BIN1: variants seen among roughly 807,000 people sequenced by gnomAD.
BIN1 encodes myc box-dependent-interacting protein 1.
Under a neutral mutation model 82.0 loss-of-function variants are expected in BIN1, and 53 were observed. The ratio of observed to expected loss-of-function variants is 0.65; its 90% confidence interval spans 0.52 to 0.81. The LOEUF is 0.81. Among genes scored for constraint, BIN1 ranks in the 40% least tolerant of loss-of-function variants. The probability of loss-of-function intolerance (pLI) is 0.00; values close to 1 mark genes in which losing one functional copy is unlikely to be tolerated. For synonymous variants in BIN1, 302 were observed against 328.0 expected, an observed-to-expected ratio of 0.92 and a Z score of 0.86; for missense variants, 642 against 784.4, an observed-to-expected ratio of 0.82 and a Z score of 2.17.
intron 9 of BIN1, among the ~76,000 whole-genome samples, chr2:127,063,011 G>C (rs1471836725): frequency 1.3e-5 from 2 of 152,154 alleles, no homozygotes; most frequent in African/African-American, 4.8e-5. Context: ...TGGGGGCGGG[G>C]GTGCCAGCCC....
chr2:127,065,573 A>G (rs1397515149), intron 7 of BIN1, among the ~76,000 whole-genome samples: 1 of 152,110 alleles, frequency 6.6e-6, no homozygotes, highest in Non-Finnish European at 1.5e-5. Context: ...AACTGCCAAC[A>G]GTGGGTCTAA....
rs1439208715 is a variant in BIN1 at position 127,062,003 on chromosome 2, C to T, written c.857+112G>A. On this transcript the variant is annotated intron_variant, in intron 10 of 18. Coordinates refer to ENST00000316724, the MANE Select transcript of BIN1 (RefSeq NM_139343.3). ...GGCCAAGACAGGAAGGTCCCTAGAC[C>T]CCCAAGGCCAAACCCATGGGGGACC... 2.5e-5 allele frequency: 32 copies of T among 1,291,020 alleles called. 1 individual carries two copies. The East Asian group carries it at 5.3e-4, about 22-fold the overall frequency. The allele number at this position is 1,291,020 out of a possible 1,614,324, so 80.0% of individuals were successfully genotyped here. A position where few individuals can be genotyped will look rare whatever the true frequency, so the allele number is the denominator to read the frequency against.
chr2:127,048,490 T>C lies in BIN1; in HGVS notation c.*36A>G, dbSNP rs371771488. 6 of 1,590,380 alleles carry C rather than the reference T, an allele frequency of 3.8e-6. No individual in the cohort carries two copies. Among genetic ancestry groups the C allele is most frequent in the Non-Finnish European group, 5.2e-6 (6 of 1,159,066 alleles). On this transcript the variant is annotated 3_prime_UTR_variant, in exon 19 of 19. Coordinates refer to ENST00000316724, the MANE Select transcript of BIN1 (RefSeq NM_139343.3). ...ACCACACATTTTTCGGGAGGAGGTGTTCTTCACACGCCCGGAGGCTGCCTG... is the reference window on the plus strand; with the variant it reads ...ACCACACATTTTTCGGGAGGAGGTGCTCTTCACACGCCCGGAGGCTGCCTG...
At chr2:127,098,715 C>T (rs978360621) in intron 1 of BIN1, among the ~76,000 whole-genome samples, 1 of 152,244 alleles carries the variant, frequency 6.6e-6, no homozygotes, top group African/African-American at 2.4e-5. Flanking sequence ...GCAGCTCTCA[C>T]AGTGATGTCT....
intron 14 of BIN1, chr2:127,052,729 C>A (rs918850009): frequency 6.2e-6 from 2 of 320,638 alleles, no homozygotes; most frequent in Non-Finnish European, 1.2e-5. Context: ...AGGGCGCCTG[C>A]ACACCCGCCT....
At chr2:127,070,210 C>A (rs1312522313) in intron 4 of BIN1, 120 bp from the exon 5 acceptor site, 4 of 796,862 alleles carry the variant, frequency 5.0e-6, no homozygotes, top group Non-Finnish European at 8.5e-6. Context: ...CTTCTCAGAG[C>A]CTCAGTTTCC....
rs1166975641 is a variant in BIN1 at position 127,067,687 on chromosome 2, A to G, written c.612+476T>C. On this transcript the variant is annotated intron_variant, in intron 7 of 18. Coordinates refer to ENST00000316724, the MANE Select transcript of BIN1 (RefSeq NM_139343.3). The surrounding 1 kb of genome is among the most constrained non-coding windows in gnomAD (Gnocchi z 4.7). ...TCAGGAGAGCCCCAACCCTGCCCCT[A>G]ACCGGCTCTGGGGCCCTGGGAGGAG... Among the ~76,000 whole-genome samples the G allele has an allele frequency of 1.3e-5, 2 of 152,114 alleles. No individual in the cohort carries two copies. The highest frequency in any genetic ancestry group is 4.8e-5 in the African/African-American group (2 of 41,422).
In BIN1 at chr2:127,076,719, AG is replaced by A. The variant is rs1465015493; in HGVS notation, c.85-14del. The stretch of plus-strand genomic sequence containing the variant: ...GCTTCTGGAGAACCTGCCGAAGCCA[AG>A]AGAGAAGGGGAGAGTGTTACCTTGG... On this transcript the variant is annotated splice_polypyrimidine_tract_variant and intron_variant, in intron 1 of 18. Transcript: ENST00000316724. 1.1e-5 allele frequency: 17 copies of A among 1,614,040 alleles called. No individual in the cohort carries two copies. Among genetic ancestry groups the A allele is most frequent in the Non-Finnish European group, 1.4e-5 (16 of 1,179,992 alleles).
chr2:127,056,662 T>C (rs1235538112), intron 12 of BIN1, among the ~76,000 whole-genome samples: 1 of 152,114 alleles, frequency 6.6e-6, no homozygotes, highest in East Asian at 1.9e-4. Context: ...GGAGGAAGGC[T>C]GAGGCCTTGA....
Position 127,048,266 on chromosome 2 carries a change from G to A in BIN1, c.*260C>T. 4.2e-6 allele frequency: 2 copies of A among 478,960 alleles called. No individual in the cohort carries two copies. Among genetic ancestry groups the A allele is most frequent in the South Asian group, 4.2e-5 (2 of 47,796 alleles). 29.7% of individuals were successfully genotyped at this position (478,960 alleles called of 1,614,324 possible). ...GCCCTGCGGCCAGGCACACATGCGG[G>A]CACAGGCAGGGGCGCCAGAAACTCA... On this transcript the variant is annotated 3_prime_UTR_variant, in exon 19 of 19. Transcript: ENST00000316724.
At chr2:127,053,815 G>T in intron 13 of BIN1, 90 bp downstream of exon 13, 1 of 1,288,732 alleles carries the variant, frequency 7.8e-7, no homozygotes, top group Non-Finnish European at 1.1e-6. Flanking sequence ...CCCAGGCCTA[G>T]CTGGGGTCAC....
chr2:127,058,419 C>T (rs2104945320), intron 11 of BIN1, among the ~76,000 whole-genome samples: 1 of 152,280 alleles, frequency 6.6e-6, no homozygotes, highest in East Asian at 1.9e-4. Context: ...GAGAACACCC[C>T]CACCTGGCCA....
At chr2:127,081,402 G>A (rs1011524636) in intron 1 of BIN1, among the ~76,000 whole-genome samples, 3 of 152,208 alleles carry the variant, frequency 2.0e-5, no homozygotes, top group Admixed American at 6.5e-5. Flanking sequence ...GAGGAGGGCC[G>A]GGTCTTCGGG....
chr2:127,068,299 G>A lies in BIN1; in HGVS notation c.520-44C>T, dbSNP rs1685408625. 6.7e-7 allele frequency: 1 copy of A among 1,496,076 alleles called. No individual in the cohort carries two copies. Among genetic ancestry groups the A allele is most frequent in the African/African-American group, 1.4e-5 (1 of 72,812 alleles). The allele number at this position is 1,496,076 out of a possible 1,614,324, so 92.7% of individuals were successfully genotyped here. On this transcript the variant is annotated intron_variant, in intron 6 of 18. Transcript: ENST00000316724. This position sits in a 1 kb window ranked among gnomAD's most constrained non-coding sequence, Gnocchi z 4.9. ...GGCAAAGGAAGGTGGAGAGACCAGG[G>A]AGGTGGGGAGAGAGAAACAGAGACA... is the stretch of plus-strand genomic sequence containing the variant.
Position 127,069,169 on chromosome 2 carries a change from A to T in BIN1, c.412-138T>A, listed in dbSNP as rs1447866123. Reference sequence around the variant, plus strand: ...GAACCCTTGAGCCCTTGTTGCTGGAACCCTCCTCGTGGCAGAGAGCTCACC... The same window carrying T: ...GAACCCTTGAGCCCTTGTTGCTGGATCCCTCCTCGTGGCAGAGAGCTCACC... On this transcript the variant is annotated intron_variant, in intron 5 of 18. Coordinates refer to ENST00000316724, the MANE Select transcript of BIN1 (RefSeq NM_139343.3). 24 of 768,778 alleles carry T rather than the reference A, an allele frequency of 3.1e-5. No homozygotes were observed. The East Asian group carries it at 6.4e-4, about 21-fold the overall frequency. The allele number at this position is 768,778 out of a possible 1,614,324, so 47.6% of individuals were successfully genotyped here.
At chr2:127,094,562 TC>T (rs1342929805) in intron 1 of BIN1, among the ~76,000 whole-genome samples, 4 of 152,074 alleles carry the variant, frequency 2.6e-5, no homozygotes, top group Non-Finnish European at 1.5e-5. Context: ...CCTCTGTCTC[TC>T]CCCGCATGGC....
intron 1 of BIN1, among the ~76,000 whole-genome samples, chr2:127,078,789 T>C (rs1405181775): frequency 6.7e-6 from 1 of 149,170 alleles, no homozygotes; most frequent in African/African-American, 2.5e-5. Context: ...GCTGGGGAGG[T>C]TCCTCACCCG....
intron 2 of BIN1, among the ~76,000 whole-genome samples, chr2:127,073,072 C>T (rs556253252): frequency 9.8e-5 from 15 of 152,338 alleles, no homozygotes; most frequent in Non-Finnish European, 1.8e-4. Context: ...TGTGCTCCCC[C>T]GGGCTTCAGG....
In BIN1 at chr2:127,067,230, GC is replaced by G. The variant is rs1172900211; in HGVS notation, c.612+932del. On this transcript the variant is annotated intron_variant, in intron 7 of 18. Transcript: ENST00000316724. This position sits in a 1 kb window ranked among gnomAD's most constrained non-coding sequence, Gnocchi z 4.7. ...AGAGAAACCCAACCTCCGGGGCCGG[GC>G]CCCTATCGCCAGCCTCTCGGGAATA... Among the ~76,000 whole-genome samples the G allele has an allele frequency of 6.6e-6, 1 of 152,176 alleles. No homozygotes were observed. Among genetic ancestry groups the G allele is most frequent in the Non-Finnish European group, 1.5e-5 (1 of 68,034 alleles).
Sources: allele counts gnomAD v4.1 joint callset (sites outside exome capture counted in the v4.1 genomes callset), GRCh38; gene constraint gnomAD v4.1.1; non-coding constraint Gnocchi (gnomAD v3.1); transcripts MANE v1.5; gene names NCBI Gene and HGNC (gene_info 2026-07-23, HGNC 2026-07-21).